GRIK1: variants seen among roughly 807,000 people sequenced by gnomAD.
GRIK1 encodes the protein glutamate ionotropic receptor kainate type subunit 1.
Under a neutral mutation model 105.7 loss-of-function variants are expected in GRIK1, and 69 were observed. That is an observed-to-expected ratio of 0.65 (90% CI 0.54 to 0.80). GRIK1 has a LOEUF of 0.80. Among genes scored for constraint, GRIK1 ranks in the 30% least tolerant of loss-of-function variants. The pLI, the probability that GRIK1 is intolerant of heterozygous loss-of-function variation, is 0.00. For missense variants in GRIK1, 1,109 were observed against 1,167.3 expected (o/e 0.95, Z 0.73); for synonymous variants, 438 against 431.3 (o/e 1.02, Z -0.19).
At chr21:29,666,795 G>A (rs971672203) in intron 4 of GRIK1, among the ~76,000 whole-genome samples, 3 of 152,198 alleles carry the variant, frequency 2.0e-5, no homozygotes, top group East Asian at 1.9e-4. Context: ...ACTAAAATAC[G>A]TTTCAGGTTG....
At chr21:29,666,812 G>A (rs1568951750) in intron 4 of GRIK1, among the ~76,000 whole-genome samples, 1 of 152,218 alleles carries the variant, frequency 6.6e-6, no homozygotes, top group Non-Finnish European at 1.5e-5. Flanking sequence ...GTTGCAATAA[G>A]ACGAGAATCA....
Position 29,596,745 on chromosome 21 carries a change from A to T in GRIK1, c.1207-175T>A, listed in dbSNP as rs2146311404. The T allele has an allele frequency of 6.5e-6, 4 of 614,528 alleles. No individual in the cohort carries two copies. The South Asian group carries it at 7.5e-5, about 12-fold the overall frequency. 38.1% of individuals were successfully genotyped at this position (614,528 alleles called of 1,614,324 possible). A position where few individuals can be genotyped will look rare whatever the true frequency, so the allele number is the denominator to read the frequency against. On this transcript the variant is annotated intron_variant, in intron 8 of 17. Coordinates refer to ENST00000327783, the MANE Select transcript of GRIK1 (RefSeq NM_001330994.2). ...GACAATAGGTACAGCAAAGAGACGAATCAAGACTTGGGTCTCACAGAAGTT... is the reference window on the plus strand; with the variant it reads ...GACAATAGGTACAGCAAAGAGACGATTCAAGACTTGGGTCTCACAGAAGTT...
intron 14 of GRIK1, among the ~76,000 whole-genome samples, chr21:29,564,637 T>TA (rs1232497200): frequency 6.6e-6 from 1 of 152,164 alleles, no homozygotes; most frequent in Non-Finnish European, 1.5e-5. Context: ...ACTCTAAACC[T>TA]AAACTATCTG....
intron 1 of GRIK1, among the ~76,000 whole-genome samples, chr21:29,714,728 G>T (rs778229227): frequency 3.2e-4 from 49 of 152,166 alleles, no homozygotes; most frequent in Non-Finnish European, 6.6e-4. Flanking sequence ...AAACCCAGCT[G>T]TAAAATTACC....
Position 29,923,753 on chromosome 21 carries a change from C to T in GRIK1, c.118+15630G>A, listed in dbSNP as rs546589169. ...GTTCAGAACACAGACTGACAAACAA[C>T]GTTTAGTTATTTCCCTTCAGCCTTA... is the stretch of plus-strand genomic sequence containing the variant. On this transcript the variant is annotated intron_variant, in intron 1 of 17. Coordinates refer to ENST00000327783, the MANE Select transcript of GRIK1 (RefSeq NM_001330994.2). Among the ~76,000 whole-genome samples, 451 of 152,228 alleles carry T rather than the reference C, an allele frequency of 3.0e-3. 4 individuals are homozygous for T. The highest frequency in any genetic ancestry group is 0.01 in the African/African-American group (435 of 41,520).
intron 7 of GRIK1, among the ~76,000 whole-genome samples, chr21:29,604,837 G>A (rs1275009635): frequency 6.6e-6 from 1 of 151,994 alleles, no homozygotes; most frequent in Non-Finnish European, 1.5e-5. Context: ...CAAGAGACAG[G>A]AATCAAGAGG....
chr21:29,897,590 A>G (rs940214768), intron 1 of GRIK1, among the ~76,000 whole-genome samples: 1 of 152,228 alleles, frequency 6.6e-6, no homozygotes, highest in Non-Finnish European at 1.5e-5. Context: ...TGTTAAACCC[A>G]AAACAAATTT....
chr21:29,848,218 C>T lies in GRIK1; in HGVS notation c.118+91165G>A, dbSNP rs1601844449. Among the ~76,000 whole-genome samples, 4 of 152,238 alleles carry T rather than the reference C, an allele frequency of 2.6e-5. No homozygotes were observed. In the East Asian group the frequency reaches 7.7e-4, roughly 29 times the overall value. On this transcript the variant is annotated intron_variant, in intron 1 of 17. Coordinates refer to ENST00000327783, the MANE Select transcript of GRIK1 (RefSeq NM_001330994.2). ...CCATCAATGTGGATATCTAGAGATG[C>T]TAAATTCTCTTTCTGTCCCCGCCAA... is the stretch of plus-strand genomic sequence containing the variant.
At chr21:29,835,880 G>C (rs558674603) in intron 1 of GRIK1, among the ~76,000 whole-genome samples, 1 of 152,180 alleles carries the variant, frequency 6.6e-6, no homozygotes, top group Non-Finnish European at 1.5e-5. Flanking sequence ...GGTACAGTCT[G>C]ATTAGATAAT....
At chr21:29,794,357 C>T (rs993211494) in intron 1 of GRIK1, among the ~76,000 whole-genome samples, 10 of 152,182 alleles carry the variant, frequency 6.6e-5, no homozygotes, top group South Asian at 2.1e-4. Flanking sequence ...TAGCACATCT[C>T]ACTAAAATCC....
chr21:29,771,767 T>A (rs2065819411), intron 1 of GRIK1, among the ~76,000 whole-genome samples: 1 of 152,222 alleles, frequency 6.6e-6, no homozygotes, highest in Non-Finnish European at 1.5e-5. Flanking sequence ...ACCTTTTGGC[T>A]ATACCAGTAG....
chr21:29,864,099 AT>A (rs896004888), intron 1 of GRIK1, among the ~76,000 whole-genome samples: 2,658 of 143,674 alleles, frequency 0.019, 62 homozygotes, highest in African/African-American at 0.057. Context: ...TATTTAACAG[AT>A]TTTTTTTTTT....
intron 4 of GRIK1, among the ~76,000 whole-genome samples, chr21:29,672,229 A>G (rs1320921170): frequency 1.3e-5 from 2 of 151,590 alleles, no homozygotes; most frequent in Non-Finnish European, 2.9e-5. Context: ...GGCTAATTTC[A>G]TATTTTTAGT....
intron 7 of GRIK1, among the ~76,000 whole-genome samples, chr21:29,616,882 A>G (rs1165601459): frequency 6.6e-6 from 1 of 152,238 alleles, no homozygotes; most frequent in Non-Finnish European, 1.5e-5. Flanking sequence ...ATTAAGTTGA[A>G]ATGGTAAAAG....
At chr21:29,571,134 G>A (rs933698978) in intron 14 of GRIK1, among the ~76,000 whole-genome samples, 2 of 151,986 alleles carry the variant, frequency 1.3e-5, no homozygotes, top group Non-Finnish European at 2.9e-5. Context: ...GGTGGATCAC[G>A]AGGTCAGTTC....
At chr21:29,717,167 G>A (rs969799706) in intron 1 of GRIK1, among the ~76,000 whole-genome samples, 1 of 152,248 alleles carries the variant, frequency 6.6e-6, no homozygotes, top group Non-Finnish European at 1.5e-5. Context: ...GTATGAAAAT[G>A]TCTGGATATC....
At chr21:29,727,815 A>T (rs1314905997) in intron 1 of GRIK1, among the ~76,000 whole-genome samples, 1 of 152,216 alleles carries the variant, frequency 6.6e-6, no homozygotes, top group Non-Finnish European at 1.5e-5. Context: ...TCACACAGTT[A>T]TGGAGGCTGT....
At chr21:29,538,476 A>G (rs1270398624) in intron 16 of GRIK1, among the ~76,000 whole-genome samples, 1 of 152,130 alleles carries the variant, frequency 6.6e-6, no homozygotes, top group Non-Finnish European at 1.5e-5. Context: ...TGCAAGATAA[A>G]TAAGTTCTGG....
Position 29,689,999 on chromosome 21 carries a change from A to T in GRIK1, c.287-14T>A, listed in dbSNP as rs1205288702. On this transcript the variant is annotated splice_polypyrimidine_tract_variant and intron_variant, in intron 2 of 17. Transcript: ENST00000327783. ...GCTGGTCACATGCTGATGCCCAAGG[A>T]CAAGGAGAGGATGGGGAGGGAGGGC... 6.2e-6 allele frequency: 10 copies of T among 1,603,304 alleles called. No individual in the cohort carries two copies. Among genetic ancestry groups the T allele is most frequent in the African/African-American group, 1.3e-5 (1 of 74,566 alleles).
Sources: gnomAD v4.1 joint callset for allele counts (sites outside exome capture counted in the v4.1 genomes callset) on GRCh38, gnomAD v4.1.1 for gene constraint, MANE v1.5 for transcripts, NCBI Gene and HGNC (gene_info 2026-07-23, HGNC 2026-07-21) for gene names.